The following FRAS1 variants were observed in gnomAD, a reference collection of about 807,000 sequenced individuals.
The protein encoded by FRAS1 is extracellular matrix organizing protein FRAS1.
A neutral mutation model predicts 435.2 loss-of-function variants in FRAS1; 290 were observed. The ratio of observed to expected loss-of-function variants is 0.67; its 90% CI spans 0.61 to 0.73. The LOEUF (loss-of-function observed/expected upper bound fraction) is 0.73. FRAS1 is among the 30% of genes least tolerant of loss of function. The pLI is 0.00. For synonymous variants in FRAS1, 1,800 were observed against 1,851.0 expected, an observed-to-expected ratio of 0.97 and a Z score of 0.71; for missense variants, 4,860 against 5,001.5, an observed-to-expected ratio of 0.97 and a Z score of 0.85.
At chr4:78,181,725 G>C in intron 2 of FRAS1, 2 of 1,610,090 alleles carry the variant, frequency 1.2e-6, no homozygotes, top group Non-Finnish European at 1.7e-6. Context: ...CTTCCAACTC[G>C]TCTTATTCCT....
intron 20 of FRAS1, among the ~76,000 whole-genome samples, chr4:78,344,345 T>C (rs946577426): frequency 7.9e-5 from 12 of 152,054 alleles, no homozygotes; most frequent in African/African-American, 2.7e-4. Context: ...TCCTCGAAGG[T>C]AGGTACTAAT....
chr4:78,461,306 A>G (rs1323474059), intron 47 of FRAS1, among the ~76,000 whole-genome samples: 1 of 152,238 alleles, frequency 6.6e-6, no homozygotes, highest in East Asian at 1.9e-4. Flanking sequence ...AGTGAAATCC[A>G]AGAGGTTTCT....
chr4:78,098,465 G>A (rs1741935134), intron 2 of FRAS1, among the ~76,000 whole-genome samples: 1 of 151,842 alleles, frequency 6.6e-6, no homozygotes. Flanking sequence ...AGTAGAGACG[G>A]GGTTTCACCA....
At chr4:78,163,236 T>G (rs986361967) in intron 2 of FRAS1, among the ~76,000 whole-genome samples, 1 of 152,220 alleles carries the variant, frequency 6.6e-6, no homozygotes. Context: ...CCATTTTTAT[T>G]CACCTTTTTA....
intron 2 of FRAS1, among the ~76,000 whole-genome samples, chr4:78,138,045 A>ATAGT (rs1720000180): frequency 6.6e-6 from 1 of 152,116 alleles, no homozygotes; most frequent in Admixed American, 6.5e-5. Flanking sequence ...CTGAGATGCG[A>ATAGT]GCTTCCAACT....
chr4:78,374,248 A>C lies in FRAS1; in HGVS notation c.3148A>C (p.Thr1050Pro), dbSNP rs772554199. The C allele has an allele frequency of 6.4e-7, 1 of 1,573,834 alleles. No homozygotes were observed. The highest frequency in any genetic ancestry group is 8.7e-7 in the Non-Finnish European group (1 of 1,155,594). ...YFADHAKHKC[T>P]ACPQGCLQCS... is the part of the protein sequence containing the mutation. ...TGCAGATCATGCAAAGCACAAATGC[A>C]CAGGTAACTTGGAGACTGCTGATTA... Residue 1050 changes from threonine to proline, a missense_variant, in exon 25 of 74, where the codon ACA becomes CCA. Physicochemically the swap from Thr to Pro is conservative, Grantham distance 38. Transcript: ENST00000512123.
chr4:78,411,082 G>A (rs1168547820), intron 31 of FRAS1, among the ~76,000 whole-genome samples: 1 of 151,038 alleles, frequency 6.6e-6, no homozygotes, highest in Admixed American at 6.6e-5. Flanking sequence ...TTTAAAGCAG[G>A]AAATGCAGTA....
intron 2 of FRAS1, among the ~76,000 whole-genome samples, chr4:78,168,493 T>C (rs1046012238): frequency 6.6e-6 from 1 of 152,056 alleles, no homozygotes; most frequent in Non-Finnish European, 1.5e-5. Context: ...AATATAAACC[T>C]AATCTAAAAC....
chr4:78,434,403 T>C (rs530757239), intron 38 of FRAS1, among the ~76,000 whole-genome samples: 12 of 152,170 alleles, frequency 7.9e-5, no homozygotes, highest in Admixed American at 2.0e-4. Context: ...CTTACTAGCA[T>C]TGTGACCCTT....
intron 13 of FRAS1, among the ~76,000 whole-genome samples, chr4:78,284,997 A>G (rs1056332460): frequency 6.6e-6 from 1 of 152,210 alleles, no homozygotes; most frequent in Non-Finnish European, 1.5e-5. Context: ...GGCCAGAGAA[A>G]TTAACCAACT....
intron 13 of FRAS1, among the ~76,000 whole-genome samples, chr4:78,284,862 A>C (rs1727507470): frequency 6.6e-6 from 1 of 152,190 alleles, no homozygotes; most frequent in South Asian, 2.1e-4. Flanking sequence ...CAAGGATAGT[A>C]ATATCAGGAT....
At chr4:78,438,872 A>T in intron 39 of FRAS1, 30 bp from the exon 40 acceptor site, 1 of 1,583,400 alleles carries the variant, frequency 6.3e-7, no homozygotes, top group Non-Finnish European at 8.6e-7. Flanking sequence ...ATCGTGGCTT[A>T]TTCATTTGAT....
chr4:78,249,869 A>G (rs1725450292), intron 4 of FRAS1, among the ~76,000 whole-genome samples: 1 of 152,110 alleles, frequency 6.6e-6, no homozygotes, highest in Non-Finnish European at 1.5e-5. Flanking sequence ...TGTTTTGGAA[A>G]CAACAGTGGT....
At chr4:78,251,637 C>G (rs1374308228) in intron 4 of FRAS1, among the ~76,000 whole-genome samples, 1 of 152,214 alleles carries the variant, frequency 6.6e-6, no homozygotes, top group East Asian at 1.9e-4. Flanking sequence ...CTGGGTGGCT[C>G]TTTAGCAGGC....
At chr4:78,316,233 A>G (rs573739479) in intron 16 of FRAS1, among the ~76,000 whole-genome samples, 1 of 152,346 alleles carries the variant, frequency 6.6e-6, no homozygotes, top group East Asian at 1.9e-4. Flanking sequence ...AGCCTAAACT[A>G]TGAAACATAC....
chr4:78,528,314 A>G (rs1560427312), intron 70 of FRAS1, among the ~76,000 whole-genome samples: 1 of 152,188 alleles, frequency 6.6e-6, no homozygotes, highest in South Asian at 2.1e-4. Context: ...ATTTTTACCT[A>G]TGTATACACT....
At chr4:78,290,094 G>A (rs189194001) in intron 14 of FRAS1, among the ~76,000 whole-genome samples, 46 of 152,144 alleles carry the variant, frequency 3.0e-4, no homozygotes, top group African/African-American at 8.7e-4. Flanking sequence ...TCTTAGATAC[G>A]AGAGTCCATA....
chr4:78,063,649 C>T (rs1739860199), intron 1 of FRAS1, among the ~76,000 whole-genome samples: 1 of 152,116 alleles, frequency 6.6e-6, no homozygotes, highest in Non-Finnish European at 1.5e-5. Context: ...TTATTTTTTT[C>T]ATACTGCAGT....
chr4:78,166,883 T>C (rs1319212342), intron 2 of FRAS1, among the ~76,000 whole-genome samples: 2 of 152,188 alleles, frequency 1.3e-5, no homozygotes, highest in African/African-American at 4.8e-5. Context: ...TCTGGCAGAC[T>C]GGTTTGGCCA....
Sources: gnomAD v4.1 joint callset for allele counts (sites outside exome capture counted in the v4.1 genomes callset) on GRCh38, gnomAD v4.1.1 for gene constraint, MANE v1.5 for transcripts, NCBI Gene and HGNC (gene_info 2026-07-23, HGNC 2026-07-21) for gene names.